MTMR2: variants seen among roughly 807,000 people sequenced by gnomAD.
MTMR2 encodes phosphatidylinositol-3,5-bisphosphate 3-phosphatase MTMR2.
MTMR2 carries 55 observed loss-of-function variants against 86.9 expected under a neutral mutation model. That is an observed-to-expected ratio of 0.63 (90% CI 0.51 to 0.79). The LOEUF is 0.79. MTMR2 is among the 30% of genes least tolerant of loss of function. MTMR2 has a pLI of 0.00. For synonymous variants in MTMR2, 241 were observed against 266.8 expected (o/e 0.90, Z 0.94); for missense variants, 659 against 772.3 (o/e 0.85, Z 1.74).
intron 1 of MTMR2, among the ~76,000 whole-genome samples, chr11:95,923,035 A>AT (rs1866987620): frequency 6.6e-6 from 1 of 152,068 alleles, no homozygotes; most frequent in Non-Finnish European, 1.5e-5. Flanking sequence ...TTTTTAAAAA[A>AT]TTTTTAAATC....
rs575850287 is a variant in MTMR2, at chr11:95,909,569, T to C, written c.80+14306A>G. Among the ~76,000 whole-genome samples the C allele has an allele frequency of 5.9e-5, 9 of 152,236 alleles. No homozygotes were observed. In the East Asian group the frequency reaches 1.2e-3, roughly 20 times the overall value. ...AGGATGGAGACTGAGGTCTTCCACC[T>C]CTAACTAAAGGCCTCAGCCATCTTC... On this transcript the variant is annotated intron_variant, in intron 1 of 14. Transcript: ENST00000346299.
In MTMR2 at chr11:95,864,245, A is replaced by T. The variant is rs112773342; in HGVS notation, c.262+1356T>A. Among the ~76,000 whole-genome samples the T allele has an allele frequency of 2.8e-3, 431 of 152,286 alleles. 4 individuals carry two copies. The highest frequency in any genetic ancestry group is 0.01 in the African/African-American group (424 of 41,568). ...ATATGGCAAGTGATGTTACAAATTT[A>T]GATATGGTCAACCGAAAAGAGTATA... On this transcript the variant is annotated intron_variant, in intron 3 of 14. Transcript: ENST00000346299.
intron 1 of MTMR2, among the ~76,000 whole-genome samples, chr11:95,907,624 A>G (rs947127229): frequency 6.6e-6 from 1 of 152,176 alleles, no homozygotes; most frequent in Non-Finnish European, 1.5e-5. Flanking sequence ...ACAAAATAGT[A>G]GCAAATCGAA....
At chr11:95,913,700 G>A (rs1308646368) in intron 1 of MTMR2, among the ~76,000 whole-genome samples, 2 of 152,012 alleles carry the variant, frequency 1.3e-5, no homozygotes, top group East Asian at 3.9e-4. Flanking sequence ...AGCACAGTGT[G>A]TAAGGCACAG....
intron 1 of MTMR2, among the ~76,000 whole-genome samples, chr11:95,917,397 C>T (rs1866749298): frequency 6.6e-6 from 1 of 152,186 alleles, no homozygotes; most frequent in Admixed American, 6.5e-5. Context: ...TCATCTGTAT[C>T]CAGGTTATCT....
At chr11:95,877,332 C>CTTTTTTTTTTTTTTTTT (rs764782930) in intron 2 of MTMR2, among the ~76,000 whole-genome samples, 1 of 106,274 alleles carries the variant, frequency 9.4e-6, no homozygotes. Context: ...CAGGGAAGCC[C>CTTTTTTTTTTTTTTTTT]TTTTTTTTTT....
At chr11:95,851,024 GT>G (rs1186498411) in intron 7 of MTMR2, among the ~76,000 whole-genome samples, 1 of 135,842 alleles carries the variant, frequency 7.4e-6, no homozygotes, top group Non-Finnish European at 1.7e-5. Context: ...TATTCAGGAG[GT>G]GGAAGGAAAC....
At chr11:95,883,022 A>C (rs1359446376) in intron 2 of MTMR2, among the ~76,000 whole-genome samples, 2 of 149,446 alleles carry the variant, frequency 1.3e-5, no homozygotes, top group African/African-American at 5.0e-5. Context: ...CTGGGATTAC[A>C]GGCGTGATCC....
At chr11:95,842,087 T>C (rs554356916) in intron 11 of MTMR2, among the ~76,000 whole-genome samples, 9 of 152,296 alleles carry the variant, frequency 5.9e-5, no homozygotes, top group African/African-American at 1.9e-4. Context: ...CAAGGCCCTG[T>C]CTCAAATACA....
intron 2 of MTMR2, among the ~76,000 whole-genome samples, chr11:95,886,998 A>C (rs1865536751): frequency 2.0e-5 from 3 of 152,314 alleles, no homozygotes; most frequent in South Asian, 4.1e-4. Flanking sequence ...ATATATGCAG[A>C]TTACGAAGAT....
In MTMR2 at chr11:95,862,012, C is replaced by T; in HGVS notation, c.448G>A (p.Gly150Arg). The change falls in exon 5 of 15, where the codon GGA (glycine) becomes AGA (arginine). Residue 150 changes from glycine to arginine, a missense_variant. This residue lies in a region of MTMR2 where 387 missense variants were observed against 526.3 expected (regional missense o/e 0.74). Coordinates refer to ENST00000346299, the MANE Select transcript of MTMR2 (RefSeq NM_016156.6). ...GASSRGENSY[G>R]LETVCKDIRN... ...TTTACCTTACACACAGTTTCTAGTC[C>T]ATAAGAATTTTCACCTCGACTAGAA... 6.2e-7 allele frequency: 1 copy of T among 1,612,094 alleles called. No homozygotes were observed. Among genetic ancestry groups the T allele is most frequent in the South Asian group, 1.1e-5 (1 of 91,044 alleles).
intron 1 of MTMR2, among the ~76,000 whole-genome samples, chr11:95,898,920 A>G (rs1051226186): frequency 2.0e-5 from 3 of 152,164 alleles, no homozygotes; most frequent in Non-Finnish European, 4.4e-5. Flanking sequence ...TGTTAAAGCA[A>G]CTGGAGAAGG....
chr11:95,862,482 C>T, intron 3 of MTMR2, 116 bp from the exon 4 acceptor site: 1 of 795,428 alleles, frequency 1.3e-6, no homozygotes, highest in Non-Finnish European at 2.1e-6. Flanking sequence ...AATAACAGAA[C>T]CAGTAATTTC....
intron 12 of MTMR2, among the ~76,000 whole-genome samples, chr11:95,840,460 C>T (rs1257069688): frequency 6.6e-6 from 1 of 152,116 alleles, no homozygotes; most frequent in African/African-American, 2.4e-5. Context: ...AAAAGTCAAA[C>T]CTAATCCAAG....
At chr11:95,916,539 T>A (rs1351315975) in intron 1 of MTMR2, among the ~76,000 whole-genome samples, 2 of 152,148 alleles carry the variant, frequency 1.3e-5, no homozygotes, top group Admixed American at 6.5e-5. Context: ...ATCCACCATA[T>A]TAGATCTGTA....
intron 1 of MTMR2, among the ~76,000 whole-genome samples, chr11:95,910,577 CAT>C (rs1866462846): frequency 6.6e-6 from 1 of 151,990 alleles, no homozygotes; most frequent in Admixed American, 6.6e-5. Context: ...TTCTACTGAC[CAT>C]AGTCATTACA....
chr11:95,918,595 A>C (rs1394525776), intron 1 of MTMR2, among the ~76,000 whole-genome samples: 1 of 152,222 alleles, frequency 6.6e-6, no homozygotes, highest in Non-Finnish European at 1.5e-5. Flanking sequence ...TGAAATCCAA[A>C]TAAGTAATTT....
At chr11:95,920,356 G>A (rs576227949) in intron 1 of MTMR2, among the ~76,000 whole-genome samples, 73 of 152,270 alleles carry the variant, frequency 4.8e-4, no homozygotes, top group African/African-American at 1.7e-3. Flanking sequence ...TGCCCACTCT[G>A]GAGTGCAGTG....
chr11:95,845,882 TAAAA>T (rs201863810), intron 10 of MTMR2, among the ~76,000 whole-genome samples: 3 of 90,096 alleles, frequency 3.3e-5, no homozygotes, highest in Non-Finnish European at 6.2e-5. Context: ...TATGGTATCT[TAAAA>T]AAAAAAAAAA....
Sources: allele counts gnomAD v4.1 joint callset (sites outside exome capture counted in the v4.1 genomes callset), GRCh38; gene constraint gnomAD v4.1.1; regional missense constraint gnomAD v4.1.1; transcripts MANE v1.5; gene names NCBI Gene and HGNC (gene_info 2026-07-23, HGNC 2026-07-21).